Variants in MYO10 observed in about 807,000 individuals in gnomAD.
MYO10 encodes the protein myosin X, also known as unconventional myosin-X.
In MYO10, 133 loss-of-function variants were observed where a neutral mutation model predicts 257.3. That is an observed-to-expected ratio of 0.52 (90% confidence interval 0.45 to 0.60). MYO10 has a LOEUF of 0.60. Ranked by LOEUF, MYO10 falls within the 20% of genes least tolerant of loss-of-function variation. MYO10 has a pLI of 0.00. For synonymous variants in MYO10, 1,104 were observed against 1,028.6 expected (o/e 1.07, Z -1.40); for missense variants, 2,399 against 2,635.7 (o/e 0.91, Z 1.97).
chr5:16,815,564 T>C (rs1742578307), intron 3 of MYO10: 2 of 650,614 alleles, frequency 3.1e-6, no homozygotes, highest in Admixed American at 2.5e-5. Context: ...TATAAACATT[T>C]ATTGCACAAC....
In MYO10 at chr5:16,818,105, G is replaced by A. The variant is rs200910595; in HGVS notation, c.183C>T (p.Asn61=). 808 of 1,612,090 alleles carry A rather than the reference G, an allele frequency of 5.0e-4. 14 individuals carry two copies. In the South Asian group the frequency reaches 8.2e-3, roughly 16 times the overall value. ...HQKVTAMHPT[N]EEGVDDMASL... Reference sequence around the variant, plus strand: ...ACGCCATGTCATCCACGCCCTCCTCGTTCGTGGGGTGCATAGCAGTCACCT... The same window carrying A: ...ACGCCATGTCATCCACGCCCTCCTCATTCGTGGGGTGCATAGCAGTCACCT... The change falls in exon 3 of 41, where the codon AAC becomes AAT. Residue 61 remains asparagine (N), a synonymous_variant. Transcript: ENST00000513610.
At chr5:16,762,482 G>T in intron 15 of MYO10, 63 bp downstream of exon 15, 1 of 1,323,550 alleles carries the variant, frequency 7.6e-7, no homozygotes, top group Non-Finnish European at 1.1e-6. Flanking sequence ...CATGTCTGGT[G>T]TGTAATCCCA....
chr5:16,855,397 C>T (rs1399463732), intron 2 of MYO10, among the ~76,000 whole-genome samples: 1 of 152,086 alleles, frequency 6.6e-6, no homozygotes, highest in Non-Finnish European at 1.5e-5. Flanking sequence ...CCATGTATTA[C>T]TTTCCAAGGC....
rs1229563700 is a variant in MYO10 at position 16,748,612 on chromosome 5, GA to G, written c.1929+6215del. 3.9e-3 allele frequency among the ~76,000 whole-genome samples: 339 copies of G among 87,968 alleles called. 3 individuals are homozygous for G. Among genetic ancestry groups the G allele is most frequent in the African/African-American group, 0.023 (310 of 13,218 alleles). 57.7% of individuals were successfully genotyped at this position (87,968 alleles called of 152,430 possible). A position where few individuals can be genotyped will look rare whatever the true frequency, so the allele number is the denominator to read the frequency against. ...GGAAGAAAGAAAAGAAAAAGAGGGA[GA>G]GAGGGAGAGAGGGAGGGAGGGAGGG... On this transcript the variant is annotated intron_variant, in intron 19 of 40. Coordinates refer to ENST00000513610, the MANE Select transcript of MYO10 (RefSeq NM_012334.3).
chr5:16,792,166 GAGAGAC>G (rs1173990784), intron 4 of MYO10, among the ~76,000 whole-genome samples: 1 of 146,432 alleles, frequency 6.8e-6, no homozygotes, highest in East Asian at 2.1e-4. Flanking sequence ...GAGAGAGAGG[GAGAGAC>G]AGAGACAGAC....
At chr5:16,781,651 A>G (rs199866452) in intron 6 of MYO10, 54 bp downstream of exon 6, 49 of 1,523,318 alleles carry the variant, frequency 3.2e-5, no homozygotes, top group Middle Eastern at 3.4e-4. Flanking sequence ...TAGTGAGAAC[A>G]GTTTCCACTT....
intron 4 of MYO10, 34 bp downstream of exon 4, chr5:16,794,612 A>G (rs759440315): frequency 6.4e-7 from 1 of 1,573,068 alleles, no homozygotes; most frequent in African/African-American, 1.4e-5. Flanking sequence ...CTCCTGGGCC[A>G]TGGGAAAGTC....
At chr5:16,784,413 G>A (rs995248592) in intron 4 of MYO10, among the ~76,000 whole-genome samples, 5 of 152,306 alleles carry the variant, frequency 3.3e-5, no homozygotes, top group South Asian at 4.1e-4. Flanking sequence ...AGGGTCCCTC[G>A]GGAGACCAGC....
intron 2 of MYO10, among the ~76,000 whole-genome samples, chr5:16,826,448 A>G (rs1318765989): frequency 6.6e-6 from 1 of 152,224 alleles, no homozygotes; most frequent in Non-Finnish European, 1.5e-5. Context: ...AGCAATTCCT[A>G]TCAGGGGAAC....
chr5:16,844,534 T>A (rs1743573366), intron 2 of MYO10, among the ~76,000 whole-genome samples: 1 of 152,148 alleles, frequency 6.6e-6, no homozygotes. Context: ...CTTTGCTAGT[T>A]AATCTACCAG....
At chr5:16,675,173 G>T in intron 34 of MYO10, 23 bp from the exon 35 acceptor site, 2 of 1,610,560 alleles carry the variant, frequency 1.2e-6, no homozygotes, top group Non-Finnish European at 1.7e-6. Flanking sequence ...AAACAAACAC[G>T]GAACTCATCT....
At chr5:16,932,266 A>T (rs1187345631) in intron 1 of MYO10, among the ~76,000 whole-genome samples, 2 of 152,186 alleles carry the variant, frequency 1.3e-5, no homozygotes, top group Non-Finnish European at 2.9e-5. Flanking sequence ...ATCCTCCGAG[A>T]TCTTGTATTT....
At chr5:16,761,583 A>G (rs763810695) in intron 16 of MYO10, 37 bp from the exon 17 acceptor site, 3 of 1,489,494 alleles carry the variant, frequency 2.0e-6, no homozygotes, top group South Asian at 1.1e-5. Flanking sequence ...AAACTGATTG[A>G]AAGAATAGTT....
At chr5:16,912,660 T>A (rs2126793310) in intron 1 of MYO10, among the ~76,000 whole-genome samples, 1 of 152,156 alleles carries the variant, frequency 6.6e-6, no homozygotes, top group Admixed American at 6.5e-5. Flanking sequence ...GGATATAATA[T>A]ATTGAATCAT....
rs1736030913 is a variant in MYO10, at chr5:16,662,976, G to T, written c.*3716C>A. On this transcript the variant is annotated 3_prime_UTR_variant, in exon 41 of 41. Coordinates refer to ENST00000513610, the MANE Select transcript of MYO10 (RefSeq NM_012334.3). ...TTCTTTATAAATTACCCAGTCTCAG[G>T]CATGTCCTTCTAGCAGTGTGAGAAT... 1.3e-5 allele frequency: 2 copies of T among 152,138 alleles called. No individual in the cohort carries two copies. The highest frequency in any genetic ancestry group is 4.8e-5 in the African/African-American group (2 of 41,388). 9.4% of individuals were successfully genotyped at this position (152,138 alleles called of 1,614,324 possible). A position where few individuals can be genotyped will look rare whatever the true frequency, so the allele number is the denominator to read the frequency against.
chr5:16,806,374 C>T (rs935113470), intron 3 of MYO10, among the ~76,000 whole-genome samples: 2 of 151,464 alleles, frequency 1.3e-5, no homozygotes, highest in African/African-American at 2.4e-5. Context: ...AGGCCGGGTG[C>T]GACGGCTCAC....
intron 19 of MYO10, among the ~76,000 whole-genome samples, chr5:16,729,801 T>G (rs1269650316): frequency 6.6e-6 from 1 of 152,132 alleles, no homozygotes; most frequent in African/African-American, 2.4e-5. Context: ...GAACTCCAAC[T>G]GTACCCCAGC....
chr5:16,878,460 G>A (rs937126839), intron 1 of MYO10, among the ~76,000 whole-genome samples: 1 of 152,066 alleles, frequency 6.6e-6, no homozygotes, highest in African/African-American at 2.4e-5. Context: ...ACATTTTTTG[G>A]CATTGATCTC....
chr5:16,713,569 C>A (rs879304408), intron 19 of MYO10: 2 of 866,904 alleles, frequency 2.3e-6, no homozygotes, highest in South Asian at 1.1e-4. Context: ...AGGGAGGGAG[C>A]AAGGAGCGGC....
Sources: allele counts gnomAD v4.1 joint callset (sites outside exome capture counted in the v4.1 genomes callset), GRCh38; gene constraint gnomAD v4.1.1; transcripts MANE v1.5; gene names NCBI Gene and HGNC (gene_info 2026-07-23, HGNC 2026-07-21).